The following ME3 variants were observed in gnomAD, a reference collection of about 807,000 sequenced individuals.
ME3 encodes NADP-dependent malic enzyme, mitochondrial.
A neutral mutation model predicts 68.9 loss-of-function variants in ME3; 48 were observed. The observed-to-expected ratio is 0.70, with a 90% CI of 0.55 to 0.89. ME3 has a LOEUF of 0.89. ME3 is among the 40% of genes least tolerant of loss of function. The probability of loss-of-function intolerance (pLI) is 0.00; values close to 1 mark genes in which losing one functional copy is unlikely to be tolerated. For synonymous variants in ME3, 320 were observed against 318.8 expected, an observed-to-expected ratio of 1.00 and a Z score of -0.04; for missense variants, 675 against 797.4, an observed-to-expected ratio of 0.85 and a Z score of 1.85.
chr11:86,448,707 C>T (rs1256228758), intron 10 of ME3, among the ~76,000 whole-genome samples: 1 of 152,170 alleles, frequency 6.6e-6, no homozygotes, highest in African/African-American at 2.4e-5. Flanking sequence ...GTCAATAATA[C>T]TAAACTAAGC....
At chr11:86,472,982 G>A (rs1220816874) in intron 7 of ME3, among the ~76,000 whole-genome samples, 1 of 152,224 alleles carries the variant, frequency 6.6e-6, no homozygotes, top group East Asian at 1.9e-4. Context: ...TGTTCATGAA[G>A]CAATGGGCTA....
chr11:86,448,392 A>G (rs888076768), intron 10 of ME3, 137 bp from the exon 11 acceptor site: 3 of 650,272 alleles, frequency 4.6e-6, no homozygotes, highest in African/African-American at 1.8e-5. Flanking sequence ...TTTGGGGCCC[A>G]TCTTCTTGAC....
chr11:86,610,507 C>T (rs1048317311), intron 2 of ME3, among the ~76,000 whole-genome samples: 13 of 152,064 alleles, frequency 8.5e-5, no homozygotes, highest in Non-Finnish European at 1.3e-4. Context: ...GGAGTGATGC[C>T]GTGCACAAAG....
chr11:86,501,068 T>C (rs546115913), intron 5 of ME3, among the ~76,000 whole-genome samples: 1 of 152,178 alleles, frequency 6.6e-6, no homozygotes, highest in Admixed American at 6.5e-5. Context: ...GGCAGGTGCT[T>C]TGGAGTCTGA....
intron 2 of ME3, among the ~76,000 whole-genome samples, chr11:86,567,716 C>T (rs1957563414): frequency 6.6e-6 from 1 of 152,192 alleles, no homozygotes; most frequent in African/African-American, 2.4e-5. Flanking sequence ...CTTCTTGAAG[C>T]TACTTTTCAT....
intron 2 of ME3, among the ~76,000 whole-genome samples, chr11:86,582,190 A>C (rs1214719020): frequency 3.3e-5 from 5 of 152,246 alleles, no homozygotes; most frequent in Admixed American, 6.5e-5. Flanking sequence ...CCATTCCCAG[A>C]AGAAGCAGGC....
At chr11:86,514,093 T>C (rs1028384436) in intron 4 of ME3, among the ~76,000 whole-genome samples, 2 of 152,162 alleles carry the variant, frequency 1.3e-5, no homozygotes, top group African/African-American at 4.8e-5. Flanking sequence ...TGAGTTCTCA[T>C]GAGATCTGAT....
At chr11:86,596,606 G>C (rs1246039273) in intron 2 of ME3, among the ~76,000 whole-genome samples, 3 of 152,152 alleles carry the variant, frequency 2.0e-5, no homozygotes, top group East Asian at 1.9e-4. Context: ...CTTTAAGAAG[G>C]CTTCTCACCT....
At chr11:86,582,920 A>AG (rs1435507676) in intron 2 of ME3, among the ~76,000 whole-genome samples, 1 of 152,098 alleles carries the variant, frequency 6.6e-6, no homozygotes. Flanking sequence ...AAAAAAAAAA[A>AG]AAGAAGACAG....
chr11:86,576,430 T>A (rs144483549), intron 2 of ME3, among the ~76,000 whole-genome samples: 4 of 152,286 alleles, frequency 2.6e-5, no homozygotes, highest in Admixed American at 6.5e-5. Flanking sequence ...ACCCAGCCTC[T>A]CCTGTCCATT....
At chr11:86,448,346 G>C (rs1190704936) in intron 10 of ME3, 91 bp from the exon 11 acceptor site, 6 of 934,956 alleles carry the variant, frequency 6.4e-6, no homozygotes, top group South Asian at 2.9e-5. Flanking sequence ...AGCGTTTCCT[G>C]CTGAGCCCCA....
intron 2 of ME3, among the ~76,000 whole-genome samples, chr11:86,640,863 C>T (rs975856899): frequency 1.1e-4 from 17 of 152,306 alleles, no homozygotes; most frequent in Admixed American, 3.3e-4. Flanking sequence ...AGGAGACTTA[C>T]CTCTATCTCA....
chr11:86,524,289 C>A (rs1026733911), intron 4 of ME3, among the ~76,000 whole-genome samples: 1 of 152,240 alleles, frequency 6.6e-6, no homozygotes, highest in East Asian at 1.9e-4. Flanking sequence ...TCTGAAATTA[C>A]TGTCCCCCTG....
At chr11:86,631,511 A>G (rs764206503) in intron 2 of ME3, among the ~76,000 whole-genome samples, 27 of 152,286 alleles carry the variant, frequency 1.8e-4, no homozygotes, top group Middle Eastern at 3.4e-3. Flanking sequence ...ATCCAAACGC[A>G]TATCAGAATC....
intron 4 of ME3, among the ~76,000 whole-genome samples, chr11:86,535,504 G>T (rs1955590734): frequency 6.6e-6 from 1 of 152,162 alleles, no homozygotes; most frequent in Admixed American, 6.5e-5. Flanking sequence ...CTCCCCAGCT[G>T]ATAGGCTGGA....
intron 2 of ME3, among the ~76,000 whole-genome samples, chr11:86,579,589 GAAC>G (rs1233489057): frequency 3.9e-5 from 6 of 152,196 alleles, no homozygotes; most frequent in Non-Finnish European, 7.3e-5. Context: ...GTACTGTGGA[GAAC>G]AACCGATTCA....
intron 2 of ME3, among the ~76,000 whole-genome samples, chr11:86,653,353 C>T (rs1260324467): frequency 2.0e-5 from 3 of 152,204 alleles, no homozygotes; most frequent in Non-Finnish European, 4.4e-5. Context: ...AAGTAAAGCA[C>T]TCCTCAGCAA....
chr11:86,634,876 T>G (rs1363123273), intron 2 of ME3, among the ~76,000 whole-genome samples: 2 of 152,152 alleles, frequency 1.3e-5, no homozygotes, highest in Non-Finnish European at 2.9e-5. Flanking sequence ...TTAAACAGGA[T>G]TATCCATTTT....
rs541959541 is a variant in ME3 at position 86,652,677 on chromosome 11, C to T, written c.183+19085G>A. ...AAAGACCATCCACGCTAGGAAGAAA[C>T]TGCATCAACTAATGAGCAAAATCAC... On this transcript the variant is annotated intron_variant, in intron 2 of 14. Coordinates refer to ENST00000543262, the Ensembl canonical transcript of ME3. 3.1e-4 allele frequency among the ~76,000 whole-genome samples: 47 copies of T among 151,768 alleles called. No individual in the cohort carries two copies. The Middle Eastern group carries it at 0.01, about 33-fold the overall frequency.
Sources: allele counts gnomAD v4.1 joint callset (sites outside exome capture counted in the v4.1 genomes callset), GRCh38; gene constraint gnomAD v4.1.1; transcripts MANE v1.5; gene names NCBI Gene and HGNC (gene_info 2026-07-23, HGNC 2026-07-21).